CACNA2D3: variants seen among roughly 807,000 people sequenced by gnomAD.
CACNA2D3 encodes the protein voltage-dependent calcium channel subunit alpha-2/delta-3.
CACNA2D3 carries 60 observed loss-of-function variants against 160.6 expected under a neutral mutation model. The observed-to-expected ratio is 0.37, with a 90% confidence interval of 0.30 to 0.46. CACNA2D3 has a LOEUF of 0.46. Among genes scored for constraint, CACNA2D3 ranks in the 20% least tolerant of loss-of-function variants. CACNA2D3 has a pLI of 1.00. For synonymous variants in CACNA2D3, 558 were observed against 492.9 expected, an observed-to-expected ratio of 1.13 and a Z score of -1.75; for missense variants, 1,205 against 1,365.0, an observed-to-expected ratio of 0.88 and a Z score of 1.85.
intron 11 of CACNA2D3, among the ~76,000 whole-genome samples, chr3:54,671,015 C>T (rs147825355): frequency 2.0e-5 from 3 of 151,958 alleles, no homozygotes; most frequent in East Asian, 1.9e-4. Flanking sequence ...ATTTTTTGAG[C>T]TAGGAAATCA....
chr3:54,622,478 T>C (rs1699009823), intron 9 of CACNA2D3, among the ~76,000 whole-genome samples: 1 of 152,184 alleles, frequency 6.6e-6, no homozygotes, highest in South Asian at 2.1e-4. Context: ...GGTTTCACCA[T>C]GTTAGCCAGG....
intron 4 of CACNA2D3, among the ~76,000 whole-genome samples, chr3:54,431,322 C>T (rs562498348): frequency 2.1e-5 from 3 of 142,960 alleles, no homozygotes; most frequent in Admixed American, 7.1e-5. Context: ...AGTGAGACTC[C>T]GTCTCAAAAA....
chr3:54,274,366 T>C (rs962371414), intron 2 of CACNA2D3, among the ~76,000 whole-genome samples: 1 of 152,114 alleles, frequency 6.6e-6, no homozygotes, highest in African/African-American at 2.4e-5. Context: ...CTCCCTGATA[T>C]GATGAGAGAT....
chr3:54,687,140 T>TTTTTTTTTTTTTTTTTTTTTTTTTTG (rs1559549449), intron 11 of CACNA2D3, among the ~76,000 whole-genome samples: 1 of 69,670 alleles, frequency 1.4e-5, no homozygotes, highest in African/African-American at 6.0e-5. Flanking sequence ...TTTTTGTTTT[T>TTTTTTTTTTTTTTTTTTTTTTTTTTG]TTTTTTTTTT....
intron 13 of CACNA2D3, among the ~76,000 whole-genome samples, chr3:54,799,173 T>C (rs764591733): frequency 5.9e-5 from 9 of 152,210 alleles, no homozygotes; most frequent in South Asian, 2.1e-4. Flanking sequence ...CTCACTGATA[T>C]ATATCATAAC....
At chr3:54,752,119 A>G (rs905770772) in intron 11 of CACNA2D3, among the ~76,000 whole-genome samples, 3 of 152,208 alleles carry the variant, frequency 2.0e-5, no homozygotes, top group Admixed American at 6.5e-5. Flanking sequence ...ATCTTCTAAT[A>G]TCATGCCAGA....
intron 17 of CACNA2D3, among the ~76,000 whole-genome samples, chr3:54,851,085 C>T (rs182270754): frequency 2.6e-5 from 4 of 152,254 alleles, no homozygotes; most frequent in East Asian, 1.9e-4. Context: ...AGAGAAGATG[C>T]GCTTTTTATT....
intron 2 of CACNA2D3, among the ~76,000 whole-genome samples, chr3:54,314,198 C>A (rs146893986): frequency 6.6e-6 from 1 of 152,288 alleles, no homozygotes; most frequent in Non-Finnish European, 1.5e-5. Context: ...GAAAAATGGT[C>A]TCCAATTCCC....
chr3:54,780,932 A>G (rs965695698), intron 13 of CACNA2D3, among the ~76,000 whole-genome samples: 1 of 152,222 alleles, frequency 6.6e-6, no homozygotes, highest in Non-Finnish European at 1.5e-5. Flanking sequence ...AGAAGTATTG[A>G]TCACTGTATG....
chr3:54,144,576 T>C (rs750422074), intron 2 of CACNA2D3, among the ~76,000 whole-genome samples: 39 of 152,232 alleles, frequency 2.6e-4, no homozygotes, highest in Non-Finnish European at 4.7e-4. Context: ...TTGGACCAAA[T>C]GGCCTTTACT....
chr3:54,814,032 A>AT (rs1263762068), intron 13 of CACNA2D3, among the ~76,000 whole-genome samples: 15 of 151,252 alleles, frequency 9.9e-5, no homozygotes, highest in Admixed American at 5.3e-4. Context: ...TTCCCAGCTA[A>AT]TTTTTTTTGT....
At chr3:55,019,954 C>G (rs1391609920) in intron 35 of CACNA2D3, among the ~76,000 whole-genome samples, 2 of 152,070 alleles carry the variant, frequency 1.3e-5, no homozygotes, top group Admixed American at 1.3e-4. Flanking sequence ...GCATTCAGTA[C>G]ATTCACAGTG....
chr3:54,134,579 A>G (rs1017979968), intron 2 of CACNA2D3, among the ~76,000 whole-genome samples: 3 of 152,328 alleles, frequency 2.0e-5, no homozygotes, highest in East Asian at 3.9e-4. Context: ...CTCCAACGCC[A>G]GGGTTTTATG....
At chr3:54,240,289 C>T (rs567012592) in intron 2 of CACNA2D3, among the ~76,000 whole-genome samples, 110 of 152,178 alleles carry the variant, frequency 7.2e-4, no homozygotes, top group Middle Eastern at 3.4e-3. Flanking sequence ...AGATCCCATT[C>T]GTTGGTTTTT....
At chr3:54,923,789 C>A (rs925495711) in intron 27 of CACNA2D3, among the ~76,000 whole-genome samples, 1 of 152,162 alleles carries the variant, frequency 6.6e-6, no homozygotes, top group African/African-American at 2.4e-5. Context: ...TGATCTTGGG[C>A]AAGTCACTGA....
chr3:54,210,726 C>T (rs919828704), intron 2 of CACNA2D3, among the ~76,000 whole-genome samples: 1 of 152,112 alleles, frequency 6.6e-6, no homozygotes, highest in Admixed American at 6.6e-5. Flanking sequence ...ATTTGGTCTC[C>T]TCAGCCTTCT....
At chr3:54,637,248 G>A (rs1699395870) in intron 10 of CACNA2D3, among the ~76,000 whole-genome samples, 1 of 151,884 alleles carries the variant, frequency 6.6e-6, no homozygotes, top group Admixed American at 6.6e-5. Flanking sequence ...CGTTGAGTAG[G>A]GTAAGGGTGA....
chr3:54,508,777 G>C (rs1198261541), intron 5 of CACNA2D3, among the ~76,000 whole-genome samples: 1 of 152,148 alleles, frequency 6.6e-6, no homozygotes, highest in African/African-American at 2.4e-5. Context: ...AGTCGGGCTG[G>C]GAAAACTGGG....
At chr3:54,512,227 A>T (rs1247317554) in intron 5 of CACNA2D3, among the ~76,000 whole-genome samples, 1 of 152,112 alleles carries the variant, frequency 6.6e-6, no homozygotes, top group African/African-American at 2.4e-5. Flanking sequence ...TGTGGTATGA[A>T]TGTGAATATA....
Sources: gnomAD v4.1 joint callset for allele counts (sites outside exome capture counted in the v4.1 genomes callset) on GRCh38, gnomAD v4.1.1 for gene constraint, MANE v1.5 for transcripts, NCBI Gene and HGNC (gene_info 2026-07-23, HGNC 2026-07-21) for gene names.